MACROD2: variants seen among roughly 807,000 people sequenced by gnomAD.
MACROD2 encodes the protein mono-ADP ribosylhydrolase 2, also known as ADP-ribose glycohydrolase MACROD2.
MACROD2 carries 36 observed loss-of-function variants against 70.4 expected under a neutral mutation model. That is an observed-to-expected ratio of 0.51 (90% CI 0.39 to 0.68). The LOEUF is 0.68. MACROD2 is among the 30% of genes least tolerant of loss of function. The pLI is 0.00. For synonymous variants in MACROD2, 172 were observed against 178.8 expected (o/e 0.96, Z 0.30); for missense variants, 496 against 538.4 (o/e 0.92, Z 0.78).
intron 5 of MACROD2, among the ~76,000 whole-genome samples, chr20:15,128,003 G>A (rs933297809): frequency 6.6e-6 from 1 of 152,082 alleles, no homozygotes; most frequent in African/African-American, 2.4e-5. Context: ...AGTTTTCTGA[G>A]TAAAGTATTA....
chr20:15,124,006 A>G (rs1228268159), intron 5 of MACROD2, among the ~76,000 whole-genome samples: 2 of 152,142 alleles, frequency 1.3e-5, no homozygotes, highest in East Asian at 3.8e-4. Context: ...TTTGTAACTT[A>G]GATATTTCCA....
intron 8 of MACROD2, among the ~76,000 whole-genome samples, chr20:15,557,674 A>G (rs2048185881): frequency 6.6e-6 from 1 of 152,254 alleles, no homozygotes; most frequent in Non-Finnish European, 1.5e-5. Flanking sequence ...CATGTTTACT[A>G]TAGAGAGCAA....
chr20:15,450,602 T>C (rs953216700), intron 7 of MACROD2, among the ~76,000 whole-genome samples: 16 of 152,160 alleles, frequency 1.1e-4, no homozygotes, highest in African/African-American at 3.9e-4. Context: ...TCAGTTTTAA[T>C]ATAGTCTCCA....
At chr20:15,191,507 G>A (rs908096129) in intron 5 of MACROD2, among the ~76,000 whole-genome samples, 8 of 151,842 alleles carry the variant, frequency 5.3e-5, no homozygotes, top group Admixed American at 1.3e-4. Context: ...ACAAGTCCCC[G>A]AACCCAGCCC....
intron 8 of MACROD2, among the ~76,000 whole-genome samples, chr20:15,754,447 A>AC (rs1377536431): frequency 6.6e-6 from 1 of 152,074 alleles, no homozygotes; most frequent in African/African-American, 2.4e-5. Context: ...ACATGGTGAA[A>AC]CCCCACCTCT....
At chr20:15,758,733 G>A (rs1052661357) in intron 8 of MACROD2, among the ~76,000 whole-genome samples, 5 of 151,668 alleles carry the variant, frequency 3.3e-5, no homozygotes, top group African/African-American at 9.7e-5. Flanking sequence ...TGTAGGGATG[G>A]TGTCTCACCA....
chr20:14,491,285 T>A lies in MACROD2; in HGVS notation c.272-2194T>A, dbSNP rs543186332. 5.9e-5 allele frequency among the ~76,000 whole-genome samples: 9 copies of A among 152,280 alleles called. No individual in the cohort carries two copies. The East Asian group carries it at 1.5e-3, about 26-fold the overall frequency. On this transcript the variant is annotated intron_variant, in intron 3 of 17. Coordinates refer to ENST00000684519, the MANE Select transcript of MACROD2 (RefSeq NM_001351661.2). Reference sequence around the variant, plus strand: ...ACTAGTAAAGTTAACTTTTTTGTTATTTTTTAGAGAATAGAAATGGATAAA... The same window carrying A: ...ACTAGTAAAGTTAACTTTTTTGTTAATTTTTAGAGAATAGAAATGGATAAA...
At chr20:15,034,863 T>C (rs2075301712) in intron 5 of MACROD2, among the ~76,000 whole-genome samples, 1 of 152,218 alleles carries the variant, frequency 6.6e-6, no homozygotes, top group South Asian at 2.1e-4. Context: ...TAATTCATTG[T>C]TGGACATTTA....
intron 8 of MACROD2, among the ~76,000 whole-genome samples, chr20:15,747,701 A>C (rs1275992228): frequency 6.6e-6 from 1 of 151,758 alleles, no homozygotes; most frequent in Non-Finnish European, 1.5e-5. Context: ...TTTTTTTGTC[A>C]ATTCTCAGAT....
At chr20:14,160,746 C>T (rs954408027) in intron 3 of MACROD2, among the ~76,000 whole-genome samples, 1 of 151,762 alleles carries the variant, frequency 6.6e-6, no homozygotes, top group Middle Eastern at 3.4e-3. Flanking sequence ...ATTATTTTTT[C>T]TTCTCCTAAT....
intron 8 of MACROD2, among the ~76,000 whole-genome samples, chr20:15,723,905 A>G (rs888563302): frequency 1.2e-4 from 19 of 152,226 alleles, no homozygotes; most frequent in African/African-American, 2.7e-4. Context: ...CATTCTCACC[A>G]GCAATGAATG....
At chr20:15,361,931 T>C (rs2078356008) in intron 6 of MACROD2, among the ~76,000 whole-genome samples, 1 of 152,166 alleles carries the variant, frequency 6.6e-6, no homozygotes, top group Non-Finnish European at 1.5e-5. Context: ...TCACTCATCC[T>C]AGGAAAATTT....
intron 5 of MACROD2, among the ~76,000 whole-genome samples, chr20:14,797,119 G>T (rs563376587): frequency 6.6e-6 from 1 of 151,804 alleles, no homozygotes; most frequent in African/African-American, 2.4e-5. Context: ...TGTTACTCTC[G>T]CATCTCCTTC....
chr20:15,429,756 T>C lies in MACROD2; in HGVS notation c.541-1649T>C, dbSNP rs575446189. ...ACTTAAAAAAAAATTCTGTCATTAA[T>C]TCCAACAGCACATTTCTTTTTTCAC... On this transcript the variant is annotated intron_variant, in intron 6 of 17. Coordinates refer to ENST00000684519, the MANE Select transcript of MACROD2 (RefSeq NM_001351661.2). Among the ~76,000 whole-genome samples, 37 of 152,266 alleles carry C rather than the reference T, an allele frequency of 2.4e-4. 1 individual carries two copies. Among genetic ancestry groups the C allele is most frequent in the Middle Eastern group, 6.8e-3 (2 of 294 alleles).
At chr20:15,997,553 C>A (rs577158361) in intron 15 of MACROD2, among the ~76,000 whole-genome samples, 1 of 152,026 alleles carries the variant, frequency 6.6e-6, no homozygotes, top group African/African-American at 2.4e-5. Flanking sequence ...ATTTCGAATT[C>A]GGCAAGTTTA....
chr20:14,371,572 A>G (rs1015398608), intron 3 of MACROD2, among the ~76,000 whole-genome samples: 2 of 152,178 alleles, frequency 1.3e-5, no homozygotes, highest in African/African-American at 4.8e-5. Flanking sequence ...TATTTTTAGT[A>G]ATAGAGATTT....
intron 3 of MACROD2, among the ~76,000 whole-genome samples, chr20:14,296,819 A>G (rs896851051): frequency 6.6e-6 from 1 of 151,918 alleles, no homozygotes; most frequent in African/African-American, 2.4e-5. Context: ...TTATATACCT[A>G]TACACATATT....
At chr20:14,831,545 G>T in intron 5 of MACROD2, among the ~76,000 whole-genome samples, 1 of 151,626 alleles carries the variant, frequency 6.6e-6, no homozygotes, top group African/African-American at 2.4e-5. Context: ...TTGGGAGGCC[G>T]AGGAGGGTGG....
chr20:15,542,415 C>T (rs1489575288), intron 8 of MACROD2, among the ~76,000 whole-genome samples: 1 of 152,164 alleles, frequency 6.6e-6, no homozygotes, highest in African/African-American at 2.4e-5. Flanking sequence ...TTCCTGTGTA[C>T]TTCATGAATC....
Sources: gnomAD v4.1 joint callset for allele counts (sites outside exome capture counted in the v4.1 genomes callset) on GRCh38, gnomAD v4.1.1 for gene constraint, MANE v1.5 for transcripts, NCBI Gene and HGNC (gene_info 2026-07-23, HGNC 2026-07-21) for gene names.